The following RBMS1 variants were observed in gnomAD, a reference collection of about 807,000 sequenced individuals.
RBMS1 encodes RNA binding motif single stranded interacting protein 1.
Under a neutral mutation model 62.3 loss-of-function variants are expected in RBMS1, and 17 were observed. The ratio of observed to expected loss-of-function variants is 0.27; its 90% CI spans 0.19 to 0.41. RBMS1 has a LOEUF of 0.41. RBMS1 is among the 10% of genes least tolerant of loss of function. The pLI is 1.00. For missense variants in RBMS1, 334 were observed against 504.5 expected (o/e 0.66, Z 3.24); for synonymous variants, 172 against 170.0 (o/e 1.01, Z -0.09).
intron 5 of RBMS1, 61 bp from the exon 6 acceptor site, chr2:160,300,791 C>T (rs1030276692): frequency 4.2e-5 from 61 of 1,446,784 alleles, no homozygotes; most frequent in Non-Finnish European, 5.3e-5. Context: ...TCATCTTGTT[C>T]GGTGCATGCA....
chr2:160,337,781 A>T (rs1332531494), intron 2 of RBMS1, among the ~76,000 whole-genome samples: 2 of 152,122 alleles, frequency 1.3e-5, no homozygotes, highest in African/African-American at 4.8e-5. Context: ...AAATTTAACC[A>T]CATGATGTTA....
chr2:160,426,216 C>CA (rs1682563378), intron 1 of RBMS1, among the ~76,000 whole-genome samples: 8 of 65,330 alleles, frequency 1.2e-4, no homozygotes, highest in Non-Finnish European at 2.2e-4. Flanking sequence ...GAGAGAGAGA[C>CA]AGAAGAAAGA....
intron 1 of RBMS1, among the ~76,000 whole-genome samples, chr2:160,449,746 C>T (rs1331739449): frequency 1.3e-5 from 2 of 152,154 alleles, no homozygotes; most frequent in Admixed American, 1.3e-4. Context: ...CCATGTTTAT[C>T]TGCTGACCTC....
chr2:160,352,918 GTAT>G (rs1377952664), intron 2 of RBMS1, among the ~76,000 whole-genome samples: 2 of 152,084 alleles, frequency 1.3e-5, no homozygotes, highest in African/African-American at 2.4e-5. Context: ...GTGAATAGCT[GTAT>G]TATTATGAAT....
At chr2:160,442,171 A>T (rs1683435570) in intron 1 of RBMS1, among the ~76,000 whole-genome samples, 1 of 152,302 alleles carries the variant, frequency 6.6e-6, no homozygotes, top group African/African-American at 2.4e-5. Flanking sequence ...CGATTTATCA[A>T]TTTTTTGTTT....
At chr2:160,360,597 C>T (rs1693073805) in intron 2 of RBMS1, among the ~76,000 whole-genome samples, 1 of 152,180 alleles carries the variant, frequency 6.6e-6, no homozygotes, top group African/African-American at 2.4e-5. Context: ...AGTGCCAGCT[C>T]TGCACCAAGA....
In RBMS1 at chr2:160,493,557, C is replaced by T. The variant is rs1335194589; in HGVS notation, c.-194G>A. 397 of 620,196 alleles carry T rather than the reference C, an allele frequency of 6.4e-4. 1 individual carries two copies. Among genetic ancestry groups the T allele is most frequent in the Non-Finnish European group, 1.0e-3 (352 of 351,630 alleles). 38.4% of individuals were successfully genotyped at this position (620,196 alleles called of 1,614,324 possible). Reference sequence around the variant, plus strand: ...CCTCCTCCTCTTCCTCCTCCTCCTCCTCCTCCTCCTCCTCTTCCTCCTCCT... The same window carrying T: ...CCTCCTCCTCTTCCTCCTCCTCCTCTTCCTCCTCCTCCTCTTCCTCCTCCT... On this transcript the variant is annotated 5_prime_UTR_variant, in exon 1 of 14. Transcript: ENST00000348849.
intron 12 of RBMS1, chr2:160,276,812 T>C (rs966343178): frequency 3.9e-5 from 6 of 152,354 alleles, no homozygotes; most frequent in African/African-American, 1.4e-4. Flanking sequence ...TATCTTATTA[T>C]GTCTGTAGTA....
chr2:160,392,498 T>TATGAAATATATGAGC (rs1694917823), intron 1 of RBMS1, among the ~76,000 whole-genome samples: 1 of 151,952 alleles, frequency 6.6e-6, no homozygotes, highest in African/African-American at 2.4e-5. Flanking sequence ...ATAGATAGTG[T>TATGAAATATATGAGC]ATGAAATATA....
intron 1 of RBMS1, among the ~76,000 whole-genome samples, chr2:160,452,764 G>A (rs981251380): frequency 6.6e-6 from 1 of 152,140 alleles, no homozygotes; most frequent in East Asian, 1.9e-4. Context: ...CAAGACAGAC[G>A]TACTACCTGC....
intron 1 of RBMS1, among the ~76,000 whole-genome samples, chr2:160,367,877 C>T (rs576757991): frequency 1.5e-4 from 23 of 152,290 alleles, no homozygotes; most frequent in South Asian, 4.1e-4. Context: ...CCAATAAGGA[C>T]GATCTCACCT....
At chr2:160,403,750 AC>A (rs1695550224) in intron 1 of RBMS1, among the ~76,000 whole-genome samples, 1 of 152,172 alleles carries the variant, frequency 6.6e-6, no homozygotes, top group African/African-American at 2.4e-5. Flanking sequence ...CACTAGGACA[AC>A]ATACTGCTTA....
chr2:160,277,089 T>A (rs957639317), intron 12 of RBMS1, among the ~76,000 whole-genome samples: 2 of 152,208 alleles, frequency 1.3e-5, no homozygotes, highest in African/African-American at 4.8e-5. Context: ...TCTCACTATG[T>A]TGCCCAGGCT....
At chr2:160,281,510 T>TA in intron 9 of RBMS1, 146 bp from the exon 10 acceptor site, 1 of 614,564 alleles carries the variant, frequency 1.6e-6, no homozygotes, top group Middle Eastern at 4.5e-4. Flanking sequence ...TTAAGGCAGT[T>TA]AGAATTCTTG....
chr2:160,361,993 T>C (rs1693156997), intron 2 of RBMS1, among the ~76,000 whole-genome samples: 1 of 152,200 alleles, frequency 6.6e-6, no homozygotes, highest in Non-Finnish European at 1.5e-5. Context: ...TTTCTTAAAA[T>C]AAGACAACAA....
intron 1 of RBMS1, among the ~76,000 whole-genome samples, chr2:160,412,996 G>A (rs1040058903): frequency 6.6e-5 from 10 of 152,272 alleles, no homozygotes; most frequent in East Asian, 3.9e-4. Context: ...GTATGGTGGC[G>A]AAGCTAAGCT....
chr2:160,443,182 C>T (rs993469365), intron 1 of RBMS1, among the ~76,000 whole-genome samples: 3 of 146,572 alleles, frequency 2.0e-5, no homozygotes, highest in African/African-American at 5.1e-5. Context: ...CTCCAGCCTG[C>T]GTGACAGTGA....
At chr2:160,292,375 G>T (rs1411538532) in intron 6 of RBMS1, among the ~76,000 whole-genome samples, 4 of 152,160 alleles carry the variant, frequency 2.6e-5, no homozygotes, top group Admixed American at 2.6e-4. Context: ...TGGCAACAGG[G>T]GGAGCTCAAA....
chr2:160,476,551 CTTTTTTTTT>C (rs755429434), intron 1 of RBMS1, among the ~76,000 whole-genome samples: 1,132 of 111,284 alleles, frequency 0.01, 12 homozygotes, highest in Middle Eastern at 0.039. Context: ...AAACACACTT[CTTTTTTTTT>C]TTTTTTTTTT....
Sources: gnomAD v4.1 joint callset for allele counts (sites outside exome capture counted in the v4.1 genomes callset) on GRCh38, gnomAD v4.1.1 for gene constraint, MANE v1.5 for transcripts, NCBI Gene and HGNC (gene_info 2026-07-23, HGNC 2026-07-21) for gene names.